The following FNDC7 variants were observed in gnomAD, a reference collection of about 807,000 sequenced individuals.
The protein encoded by FNDC7 is fibronectin type III domain-containing protein 7.
FNDC7 carries 66 observed loss-of-function variants against 74.2 expected under a neutral mutation model. The ratio of observed to expected loss-of-function variants is 0.89; its 90% confidence interval spans 0.73 to 1.09. The LOEUF (loss-of-function observed/expected upper bound fraction) is 1.09, where lower values mean the gene tolerates loss of function less well. Among genes scored for constraint, FNDC7 ranks in the 50% least tolerant of loss-of-function variants. FNDC7 has a pLI of 0.00. For missense variants in FNDC7, 829 were observed against 893.4 expected (o/e 0.93, Z 0.92); for synonymous variants, 307 against 330.2 (o/e 0.93, Z 0.76).
intron 6 of FNDC7, 53 bp from the exon 7 acceptor site, chr1:108,727,755 C>G: frequency 1.9e-6 from 3 of 1,595,558 alleles, no homozygotes; most frequent in Non-Finnish European, 2.6e-6. Context: ...AGTGTACCCC[C>G]AGCTGCATTG....
chr1:108,733,620 G>T, intron 10 of FNDC7, 88 bp downstream of exon 10: 1 of 1,228,532 alleles, frequency 8.1e-7, no homozygotes, highest in Non-Finnish European at 1.2e-6. Context: ...TACTATGTAT[G>T]AAGGGCACAG....
chr1:108,731,809 C>T (rs925657691), intron 9 of FNDC7, among the ~76,000 whole-genome samples: 7 of 152,204 alleles, frequency 4.6e-5, no homozygotes, highest in South Asian at 2.1e-4. Context: ...ACATGCTGCA[C>T]GTATGTCAGC....
chr1:108,715,913 C>G (rs1191579777), intron 2 of FNDC7, among the ~76,000 whole-genome samples: 1 of 152,088 alleles, frequency 6.6e-6, no homozygotes, highest in Non-Finnish European at 1.5e-5. Context: ...TGAATCCAAA[C>G]CCTTTGCTAT....
At chr1:108,719,113 T>C in intron 4 of FNDC7, 64 bp downstream of exon 4, 1 of 1,524,658 alleles carries the variant, frequency 6.6e-7, no homozygotes, top group Non-Finnish European at 8.9e-7. Context: ...GGCTGTGTGT[T>C]GCAGCCATCA....
rs151239518 is a variant in FNDC7 at position 108,727,956 on chromosome 1, G to C, written c.1260G>C (p.Ala420=). 6.2e-7 allele frequency: 1 copy of C among 1,614,122 alleles called. No homozygotes were observed. The highest frequency in any genetic ancestry group is 1.1e-5 in the South Asian group (1 of 91,080). ...NMVECNDTTP[A]CTLSALECDT... Reference sequence around the variant, plus strand: ...TTGAGTGCAATGACACTACTCCTGCGTGCACCCTTTCGGCTCTAGAGTGTG... The same window carrying C: ...TTGAGTGCAATGACACTACTCCTGCCTGCACCCTTTCGGCTCTAGAGTGTG... The change falls in exon 7 of 13, where the codon GCG becomes GCC. Residue 420 remains alanine, a synonymous_variant. Transcript: ENST00000370017.
intron 2 of FNDC7, among the ~76,000 whole-genome samples, chr1:108,715,369 G>A (rs763601153): frequency 1.3e-5 from 2 of 152,198 alleles, no homozygotes; most frequent in Non-Finnish European, 2.9e-5. Flanking sequence ...AAACATAGAA[G>A]TAAGAAAGAG....
chr1:108,730,405 T>A (rs1414922592), intron 8 of FNDC7, among the ~76,000 whole-genome samples: 1 of 141,704 alleles, frequency 7.1e-6, no homozygotes, highest in Non-Finnish European at 1.5e-5. Context: ...ACAAAGGATG[T>A]CTTTCTTATT....
At chr1:108,713,330 T>G (rs1334761626) in intron 1 of FNDC7, 181 bp from the exon 2 acceptor site, 3 of 632,376 alleles carry the variant, frequency 4.7e-6, no homozygotes, top group Non-Finnish European at 8.3e-6. Flanking sequence ...AGAGTTGTTT[T>G]GTGGTAGATT....
intron 2 of FNDC7, among the ~76,000 whole-genome samples, 153 bp downstream of exon 2, chr1:108,713,682 G>A (rs1212302331): frequency 6.6e-6 from 1 of 152,102 alleles, no homozygotes; most frequent in Non-Finnish European, 1.5e-5. Context: ...CACTCTATTG[G>A]GTCCTGGGGA....
intron 9 of FNDC7, among the ~76,000 whole-genome samples, chr1:108,732,336 C>T (rs867537285): frequency 8.3e-4 from 81 of 97,168 alleles, no homozygotes; most frequent in African/African-American, 3.6e-3. Flanking sequence ...AGCGAGACTC[C>T]GTCTCAAAAA....
chr1:108,741,800 A>G lies in FNDC7; in HGVS notation c.2198A>G (p.Glu733Gly), dbSNP rs149048638. 3.8e-5 allele frequency: 62 copies of G among 1,613,946 alleles called. No homozygotes were observed. In the African/African-American group the frequency reaches 8.0e-4, roughly 21 times the overall value. Residue 733 changes from glutamate to glycine, a missense_variant, in exon 12 of 13, where the codon GAA becomes GGA. Glu to Gly is a moderately conservative substitution (Grantham distance 98). Coordinates refer to ENST00000370017, the MANE Select transcript of FNDC7 (RefSeq NM_001144937.3). ...MVIYRGKRNE[E>G] Reference sequence around the variant, plus strand: ...ATTTATAGAGGGAAGAGAAATGAAGAATGACAAAGTGAGCCCCAGATAAAA... The same window carrying G: ...ATTTATAGAGGGAAGAGAAATGAAGGATGACAAAGTGAGCCCCAGATAAAA...
At chr1:108,720,363 C>T (rs1332517839) in intron 4 of FNDC7, among the ~76,000 whole-genome samples, 1 of 152,224 alleles carries the variant, frequency 6.6e-6, no homozygotes, top group Admixed American at 6.5e-5. Flanking sequence ...TTTCACCTGA[C>T]CAGTGCTTTG....
At chr1:108,735,098 C>A (rs1661478138) in intron 10 of FNDC7, among the ~76,000 whole-genome samples, 1 of 152,194 alleles carries the variant, frequency 6.6e-6, no homozygotes, top group African/African-American at 2.4e-5. Flanking sequence ...ATCTTCCTCC[C>A]ATCGTCCTTG....
At chr1:108,728,095 G>T (rs759880586) in intron 7 of FNDC7, 30 bp downstream of exon 7, 4 of 1,599,708 alleles carry the variant, frequency 2.5e-6, no homozygotes, top group Non-Finnish European at 3.4e-6. Flanking sequence ...CCACTCACTG[G>T]TGTCTGAATG....
intron 7 of FNDC7, 59 bp downstream of exon 7, chr1:108,728,124 C>A: frequency 6.4e-7 from 1 of 1,573,916 alleles, no homozygotes; most frequent in Admixed American, 1.7e-5. Flanking sequence ...CAGCTCTGAG[C>A]CTCAGGATGG....
chr1:108,722,294 T>A, intron 4 of FNDC7, 41 bp from the exon 5 acceptor site: 10 of 1,504,914 alleles, frequency 6.6e-6, no homozygotes, highest in Non-Finnish European at 8.9e-6. Context: ...ACGTAGTTTG[T>A]AAGGCTACTA....
chr1:108,730,339 G>A (rs1056781648), intron 8 of FNDC7, among the ~76,000 whole-genome samples: 2 of 147,672 alleles, frequency 1.4e-5, no homozygotes, highest in Admixed American at 6.8e-5. Flanking sequence ...CCTGGCAACA[G>A]AGCGAGACTC....
intron 9 of FNDC7, 51 bp from the exon 10 acceptor site, chr1:108,733,221 T>G: frequency 6.3e-7 from 1 of 1,586,380 alleles, no homozygotes; most frequent in Non-Finnish European, 8.6e-7. Flanking sequence ...CATTTTTGGA[T>G]GATGGTGGAA....
Position 108,712,957 on chromosome 1 carries a change from T to G in FNDC7, c.24T>G (p.Cys8Trp). 6.4e-7 allele frequency: 1 copy of G among 1,551,662 alleles called. No individual in the cohort carries two copies. Residue 8 changes from cysteine (C) to tryptophan (W), a missense_variant, in exon 1 of 13, where the codon TGT becomes TGG. Coordinates refer to ENST00000370017, the MANE Select transcript of FNDC7 (RefSeq NM_001144937.3). MAGGRET[C>W]LPLIGFILIC... ...GGATGGCTGGTGGACGAGAGACATG[T>G]TTGCCTTTGATTGGATTCATTCTTA...
Sources: allele counts gnomAD v4.1 joint callset (sites outside exome capture counted in the v4.1 genomes callset), GRCh38; gene constraint gnomAD v4.1.1; transcripts MANE v1.5; gene names NCBI Gene and HGNC (gene_info 2026-07-23, HGNC 2026-07-21).